Variants in RASL12 observed in about 807,000 individuals in gnomAD.
RASL12 encodes ras-like protein family member 12.
RASL12 carries 16 observed loss-of-function variants against 22.9 expected under a neutral mutation model. The ratio of observed to expected loss-of-function variants is 0.70; its 90% CI spans 0.47 to 1.06. The LOEUF (loss-of-function observed/expected upper bound fraction) is 1.06, where lower values mean the gene tolerates loss of function less well. RASL12 is among the 50% of genes least tolerant of loss of function. RASL12 has a pLI of 0.00. For synonymous variants in RASL12, 159 were observed against 152.2 expected (o/e 1.04, Z -0.33); for missense variants, 306 against 353.1 (o/e 0.87, Z 1.07).
In RASL12 at chr15:65,055,186, C is replaced by T. The variant is rs79475397; in HGVS notation, c.514G>A (p.Val172Met). 2.0e-5 allele frequency: 33 copies of T among 1,612,356 alleles called. No individual in the cohort carries two copies. In the East Asian group the frequency reaches 4.9e-4, roughly 24 times the overall value. Residue 172 changes from valine to methionine, a missense_variant, in exon 5 of 5, where the codon GTG becomes ATG. By Grantham distance (21) the Val-to-Met change is conservative. Transcript: ENST00000220062. ...ACTGCCTCGTGGAAGACATGCTGCA[C>T]GTGCTCAAAGTCCAGACAGGCAGAG... ...EVSACLDFEH[V>M]QHVFHEAVRE... is the part of the protein sequence containing the mutation.
chr15:65,070,404 T>C (rs2086923389), upstream of RASL12, among the ~76,000 whole-genome samples: 1 of 152,376 alleles, frequency 6.6e-6, no homozygotes, highest in African/African-American at 2.4e-5. Context: ...ACATTTCTCA[T>C]CCACCTACAA....
At chr15:65,057,376 A>G (rs1483750858) in intron 4 of RASL12, among the ~76,000 whole-genome samples, 1 of 152,112 alleles carries the variant, frequency 6.6e-6, no homozygotes, top group East Asian at 1.9e-4. Flanking sequence ...ATTACTCATC[A>G]AGTTCAGGCA....
rs2086898022 is a variant in RASL12, at chr15:65,067,851, G to T, written c.-16C>A. ...CCGAGGACATGGCGACGCCCTGGAC[G>T]GCCACGCAGGTCTGCGGCCGGTGGG... On this transcript the variant is annotated 5_prime_UTR_variant, in exon 1 of 5. Transcript: ENST00000220062. 6.7e-7 allele frequency: 1 copy of T among 1,493,222 alleles called. No individual in the cohort carries two copies. The highest frequency in any genetic ancestry group is 1.3e-5 in the South Asian group (1 of 75,168). The allele number at this position is 1,493,222 out of a possible 1,614,324, so 92.5% of individuals were successfully genotyped here. A position where few individuals can be genotyped will look rare whatever the true frequency, so the allele number is the denominator to read the frequency against.
At chr15:65,072,745 A>G (rs1220470603), upstream of RASL12, among the ~76,000 whole-genome samples, 1 of 152,134 alleles carries the variant, frequency 6.6e-6, no homozygotes, top group Admixed American at 6.5e-5. Flanking sequence ...GCTTCAAGCT[A>G]CAAGACCCTG....
At chr15:65,050,823 T>C (rs1208434896), downstream of RASL12, among the ~76,000 whole-genome samples, 9 of 116,820 alleles carry the variant, frequency 7.7e-5, no homozygotes, top group Non-Finnish European at 1.4e-4. Context: ...TTTTTTTCTT[T>C]CTTCTTCTTC....
At chr15:65,061,221 C>G (rs1340223847) in intron 2 of RASL12, among the ~76,000 whole-genome samples, 1 of 152,202 alleles carries the variant, frequency 6.6e-6, no homozygotes, top group Non-Finnish European at 1.5e-5. Context: ...GGATCTCACC[C>G]AAGGCCACAC....
chr15:65,055,205 G>A lies in RASL12; in HGVS notation c.495C>T (p.Ala165=), dbSNP rs745397236. ...RFGCLFFEVS[A]CLDFEHVQHV... ...GCTGCACGTGCTCAAAGTCCAGACA[G>A]GCAGAGACCTCGAAAAACAGGCACC... The change falls in exon 5 of 5, where the codon GCC becomes GCT. Residue 165 remains alanine, a synonymous_variant. Coordinates refer to ENST00000220062, the MANE Select transcript of RASL12 (RefSeq NM_016563.4). The A allele has an allele frequency of 3.4e-5, 55 of 1,610,456 alleles. No individual in the cohort carries two copies. Among genetic ancestry groups the A allele is most frequent in the Non-Finnish European group, 4.2e-5 (50 of 1,178,608 alleles).
At chr15:65,071,850 A>C (rs2086934284), upstream of RASL12, among the ~76,000 whole-genome samples, 1 of 152,170 alleles carries the variant, frequency 6.6e-6, no homozygotes, top group African/African-American at 2.4e-5. Flanking sequence ...GCAGAAGGCA[A>C]CTGTTTCCCT....
In RASL12 at chr15:65,058,460, A is replaced by G; in HGVS notation, c.392T>C (p.Leu131Pro). The G allele has an allele frequency of 6.3e-7, 1 of 1,582,774 alleles. No homozygotes were observed. The highest frequency in any genetic ancestry group is 8.6e-7 in the Non-Finnish European group (1 of 1,158,860). Reference protein sequence around the residue: ...KETQRSIPALLLGNKLDMAQY... With the variant: ...KETQRSIPALPLGNKLDMAQY... ...AGCCATGTCCAGCTTGTTGCCCAGC[A>G]GCAGGGCAGGGATGCTGCGCTGTGT... Residue 131 changes from leucine to proline, a missense_variant, in exon 4 of 5, where the codon CTG (leucine) becomes CCG (proline). Leu to Pro is a moderately conservative substitution (Grantham distance 98). Coordinates refer to ENST00000220062, the MANE Select transcript of RASL12 (RefSeq NM_016563.4).
At chr15:65,058,314 C>T in intron 4 of RASL12, 113 bp downstream of exon 4, 1 of 824,026 alleles carries the variant, frequency 1.2e-6, no homozygotes, top group Non-Finnish European at 1.7e-6. Flanking sequence ...CCTTCTACCA[C>T]AATTCAAGGG....
At position 65,062,226 on chromosome 15, in the gene RASL12, G is replaced by A. The variant is rs111253303; in HGVS notation, c.161-2808C>T. Among the ~76,000 whole-genome samples the A allele has an allele frequency of 8.0e-3, 1,215 of 152,240 alleles. 4 individuals carry two copies. Among genetic ancestry groups the A allele is most frequent in the Non-Finnish European group, 0.012 (833 of 68,022 alleles). ...CCTGGAGACGCCTGCCCACTCCTGC[G>A]GGTCTCAGCACAGGCAAAGCCCTTC... is the stretch of plus-strand genomic sequence containing the variant. On this transcript the variant is annotated intron_variant, in intron 2 of 4. Coordinates refer to ENST00000220062, the MANE Select transcript of RASL12 (RefSeq NM_016563.4).
chr15:65,076,268 C>T (rs1236107732), intron 1 of RASL12, among the ~76,000 whole-genome samples: 3 of 152,214 alleles, frequency 2.0e-5, no homozygotes, highest in Non-Finnish European at 4.4e-5. Flanking sequence ...TTTGGGTCCA[C>T]ACTGCTTTTA....
upstream of RASL12, chr15:65,068,289 C>G: frequency 3.0e-6 from 3 of 985,286 alleles, 1 homozygote; most frequent in African/African-American, 1.7e-5. This position sits in a 1 kb window ranked among gnomAD's most constrained non-coding sequence, Gnocchi z 4.2. Flanking sequence ...CACTCAATCT[C>G]TTTTCACCAG....
At chr15:65,068,039 A>C (rs1300614355), upstream of RASL12, 2 of 1,114,538 alleles carry the variant, frequency 1.8e-6, no homozygotes, top group East Asian at 5.1e-5. The surrounding 1 kb of genome is among the most constrained non-coding windows in gnomAD (Gnocchi z 4.2). Flanking sequence ...GGGCGGGGCC[A>C]CCCCAAGCGC....
rs190626031 is a variant in RASL12, at chr15:65,076,349, G to C, written c.70+180C>G. Reference sequence around the variant, plus strand: ...GCCAGCGAGACCACAAGCCCACTGGGAGGAACGAACAACTCCAGACACGCT... The same window carrying C: ...GCCAGCGAGACCACAAGCCCACTGGCAGGAACGAACAACTCCAGACACGCT... On this transcript the variant is annotated intron_variant, in intron 1 of 4. Coordinates refer to the RASL12 transcript ENST00000434605. Among the ~76,000 whole-genome samples the C allele has an allele frequency of 1.8e-4, 28 of 152,058 alleles. No individual in the cohort carries two copies. The East Asian group carries it at 4.3e-3, about 23-fold the overall frequency.
chr15:65,055,239 C>T lies in RASL12; in HGVS notation c.461G>A (p.Gly154Asp). The T allele has an allele frequency of 2.5e-6, 4 of 1,596,704 alleles. No homozygotes were observed. Among genetic ancestry groups the T allele is most frequent in the Middle Eastern group, 1.7e-4 (1 of 6,010 alleles). The change falls in exon 5 of 5, where the codon GGC becomes GAC. Residue 154 changes from glycine to aspartate, a missense_variant. Transcript: ENST00000220062. ...VTKAEGVALA[G>D]RFGCLFFEVS... The stretch of plus-strand genomic sequence containing the variant: ...CTCGAAAAACAGGCACCCAAACCTG[C>T]CTGCCAAAGCCACACCCTCTGCCTT...
chr15:65,058,613 G>A lies in RASL12; in HGVS notation c.239C>T (p.Thr80Ile), dbSNP rs769143677. Residue 80 changes from threonine to isoleucine, a missense_variant, in exon 4 of 5, where the codon ACC (threonine) becomes ATC (isoleucine). Thr to Ile is a moderately conservative substitution (Grantham distance 89). Transcript: ENST00000220062. ...CAGGTAGCGCTCGCAGTTCCTGGGG[G>A]TGTCCTGGGGTGAAGGTGAGAAGCC... ...LRVMDTADLD[T>I]PRNCERYLNW... The A allele has an allele frequency of 3.3e-6, 5 of 1,536,734 alleles. No individual in the cohort carries two copies. In the South Asian group the frequency reaches 4.9e-5, roughly 15 times the overall value.
chr15:65,052,062 C>G (rs1197150668), downstream of RASL12, among the ~76,000 whole-genome samples: 2 of 152,122 alleles, frequency 1.3e-5, no homozygotes, highest in African/African-American at 4.8e-5. Flanking sequence ...TGAATAAAAC[C>G]AATCTGGAGA....
intron 2 of RASL12, among the ~76,000 whole-genome samples, chr15:65,059,953 T>C (rs2086782344): frequency 6.6e-6 from 1 of 152,008 alleles, no homozygotes. Context: ...AGCAGGGGAG[T>C]CTAGTGTAGT....
Sources: gnomAD v4.1 joint callset for allele counts (sites outside exome capture counted in the v4.1 genomes callset) on GRCh38, gnomAD v4.1.1 for gene constraint, Gnocchi (gnomAD v3.1) non-coding constraint, MANE v1.5 for transcripts, NCBI Gene and HGNC (gene_info 2026-07-23, HGNC 2026-07-21) for gene names.